Variants in INTU observed in about 807,000 individuals in gnomAD.
INTU encodes the protein protein inturned.
INTU carries 68 observed loss-of-function variants against 100.5 expected under a neutral mutation model. The ratio of observed to expected loss-of-function variants is 0.68; its 90% CI spans 0.56 to 0.83. The LOEUF (loss-of-function observed/expected upper bound fraction) is 0.83. INTU is among the 40% of genes least tolerant of loss of function. The pLI is 0.00. For synonymous variants in INTU, 357 were observed against 395.7 expected (o/e 0.90, Z 1.16); for missense variants, 1,071 against 1,114.7 (o/e 0.96, Z 0.56).
chr4:127,642,028 T>A (rs1052771816), intron 1 of INTU, among the ~76,000 whole-genome samples: 47 of 151,878 alleles, frequency 3.1e-4, no homozygotes, highest in Admixed American at 8.5e-4. Flanking sequence ...ATATATATAT[T>A]TTTTAAATTG....
chr4:127,661,267 A>G (rs952616851), intron 3 of INTU, among the ~76,000 whole-genome samples: 4 of 152,214 alleles, frequency 2.6e-5, no homozygotes, highest in Non-Finnish European at 5.9e-5. Context: ...TTCACCAAGC[A>G]TAGCAAACCA....
chr4:127,695,444 A>G (rs1730340925), intron 8 of INTU, among the ~76,000 whole-genome samples: 1 of 152,124 alleles, frequency 6.6e-6, no homozygotes, highest in African/African-American at 2.4e-5. Context: ...TACCTGTACC[A>G]AAAAATGCAA....
Position 127,706,437 on chromosome 4 carries a change from A to G in INTU, c.1789-50A>G, listed in dbSNP as rs749949724. On this transcript the variant is annotated intron_variant, in intron 11 of 15. Transcript: ENST00000335251. ...AAGTTTATACATGCACATTTTATGTAAATATTTTCATGGTAGCTAAACCTA... is the reference window on the plus strand; with the variant it reads ...AAGTTTATACATGCACATTTTATGTGAATATTTTCATGGTAGCTAAACCTA... The G allele has an allele frequency of 6.8e-6, 10 of 1,473,248 alleles. No homozygotes were observed. The South Asian group carries it at 1.3e-4, about 19-fold the overall frequency. The allele number at this position is 1,473,248 out of a possible 1,614,324, so 91.3% of individuals were successfully genotyped here.
Position 127,719,014 on chromosome 4 carries a change from A to G in INTU, c.*2578A>G, listed in dbSNP as rs1442917863. The G allele has an allele frequency of 1.3e-5, 2 of 152,154 alleles. No individual in the cohort carries two copies. Among genetic ancestry groups the G allele is most frequent in the Admixed American group, 1.3e-4 (2 of 15,270 alleles). 9.4% of individuals were successfully genotyped at this position (152,154 alleles called of 1,614,324 possible). On this transcript the variant is annotated 3_prime_UTR_variant, in exon 16 of 16. Transcript: ENST00000335251. ...CTGATTGCCCTGGCCAGGACTTCCA[A>G]TACTATGTTGAATAGTGGTGAGAGA...
chr4:127,684,786 ATTTCCTTTTTTT>A (rs1230777002), intron 7 of INTU, among the ~76,000 whole-genome samples: 1 of 143,648 alleles, frequency 7.0e-6, no homozygotes, highest in Admixed American at 6.9e-5. Context: ...CATTTGATTC[ATTTCCTTTTTTT>A]TTTCCTTTTT....
At position 127,721,791 on chromosome 4, in the gene INTU, T is replaced by C. The variant is rs1731349074; in HGVS notation, c.*5355T>C. 6.6e-6 allele frequency: 1 copy of C among 152,192 alleles called. No individual in the cohort carries two copies. 9.4% of individuals were successfully genotyped at this position (152,192 alleles called of 1,614,324 possible). On this transcript the variant is annotated 3_prime_UTR_variant, in exon 16 of 16. Transcript: ENST00000335251. ...GGATACTTGTGTTTCCATTATAAAGTTCTCATGTTTTTCAGCTCCATCAGA... is the reference window on the plus strand; with the variant it reads ...GGATACTTGTGTTTCCATTATAAAGCTCTCATGTTTTTCAGCTCCATCAGA...
intron 6 of INTU, among the ~76,000 whole-genome samples, chr4:127,683,612 C>T (rs1033102989): frequency 1.3e-5 from 2 of 152,094 alleles, no homozygotes; most frequent in African/African-American, 2.4e-5. Flanking sequence ...AAAGTGCTGT[C>T]CCACAGAATT....
At chr4:127,703,273 T>C (rs1019285368) in intron 9 of INTU, among the ~76,000 whole-genome samples, 1 of 152,164 alleles carries the variant, frequency 6.6e-6, no homozygotes, top group Non-Finnish European at 1.5e-5. Flanking sequence ...TTTTTAGTTT[T>C]CTTTAGGTTT....
In INTU at chr4:127,724,447, T is replaced by A. The variant is rs1206621851; in HGVS notation, c.*8011T>A. 1 of 152,142 alleles carries A rather than the reference T, an allele frequency of 6.6e-6. No individual in the cohort carries two copies. Among genetic ancestry groups the A allele is most frequent in the Non-Finnish European group, 1.5e-5 (1 of 68,034 alleles). The allele number at this position is 152,142 out of a possible 1,614,324, so 9.4% of individuals were successfully genotyped here. ...AAAAAAAAAAAAAAATACTAACTTT[T>A]ATCTTAGAAATATAGATCATTATGC... On this transcript the variant is annotated 3_prime_UTR_variant, in exon 16 of 16. Coordinates refer to ENST00000335251, the MANE Select transcript of INTU (RefSeq NM_015693.4).
At chr4:127,714,207 AT>A in intron 15 of INTU, 114 bp downstream of exon 15, 1 of 637,674 alleles carries the variant, frequency 1.6e-6, no homozygotes. Flanking sequence ...TAGCTATACT[AT>A]TTTAATATAT....
intron 5 of INTU, among the ~76,000 whole-genome samples, chr4:127,673,589 C>T (rs1336140680): frequency 6.7e-6 from 1 of 149,522 alleles, no homozygotes; most frequent in Non-Finnish European, 1.5e-5. Context: ...TTTTGTTTGG[C>T]CTAGAGTTTT....
intron 9 of INTU, among the ~76,000 whole-genome samples, chr4:127,701,667 C>G (rs755665970): frequency 4.6e-5 from 7 of 151,994 alleles, no homozygotes; most frequent in Non-Finnish European, 1.0e-4. Context: ...ACAGATGAAA[C>G]AAGATAAGCC....
At chr4:127,656,537 C>A in intron 2 of INTU, 99 bp from the exon 3 acceptor site, 3 of 800,588 alleles carry the variant, frequency 3.7e-6, no homozygotes, top group Non-Finnish European at 6.3e-6. Context: ...TCTCACTGTA[C>A]TTTGAGGATG....
intron 9 of INTU, among the ~76,000 whole-genome samples, chr4:127,701,417 C>T (rs1486590463): frequency 6.6e-6 from 1 of 152,090 alleles, no homozygotes; most frequent in Non-Finnish European, 1.5e-5. Flanking sequence ...CTCTATGAGA[C>T]AACGAATCTC....
intron 6 of INTU, among the ~76,000 whole-genome samples, chr4:127,683,187 T>C (rs1237390225): frequency 6.6e-6 from 1 of 152,190 alleles, no homozygotes; most frequent in African/African-American, 2.4e-5. Context: ...TCCCTAAATA[T>C]TTATGTCATT....
At chr4:127,655,558 C>T (rs1442167019) in intron 2 of INTU, among the ~76,000 whole-genome samples, 1 of 151,674 alleles carries the variant, frequency 6.6e-6, no homozygotes, top group Non-Finnish European at 1.5e-5. Context: ...CAGGGACCCA[C>T]TTGAGGAGGC....
At position 127,725,956 on chromosome 4, in the gene INTU, G is replaced by A. The variant is rs1731411167; in HGVS notation, c.*9520G>A. 1 of 152,152 alleles carries A rather than the reference G, an allele frequency of 6.6e-6. No individual in the cohort carries two copies. The highest frequency in any genetic ancestry group is 6.5e-5 in the Admixed American group (1 of 15,282). The allele number at this position is 152,152 out of a possible 1,614,324, so 9.4% of individuals were successfully genotyped here. On this transcript the variant is annotated 3_prime_UTR_variant, in exon 16 of 16. Coordinates refer to ENST00000335251, the MANE Select transcript of INTU (RefSeq NM_015693.4). Reference sequence around the variant, plus strand: ...TAAAGGGGGACAGGATGACAGTGCAGATATCCTAGAAATATGCTTTAGAAG... The same window carrying A: ...TAAAGGGGGACAGGATGACAGTGCAAATATCCTAGAAATATGCTTTAGAAG...
At position 127,710,954 on chromosome 4, in the gene INTU, C is replaced by T. The variant is rs146199622; in HGVS notation, c.2411C>T (p.Ala804Val). ...GPENTLFHYV[A>V]LETVQGIFIT... The stretch of plus-strand genomic sequence containing the variant: ...GAGAACACACTTTTCCACTACGTTG[C>T]CTTAGAAACAGTGCAAGGAATCTTT... The change falls in exon 14 of 16, where the codon GCC becomes GTC. Residue 804 changes from alanine to valine, a missense_variant. Coordinates refer to ENST00000335251, the MANE Select transcript of INTU (RefSeq NM_015693.4). 2.5e-5 allele frequency: 39 copies of T among 1,538,018 alleles called. No homozygotes were observed. In the Admixed American group the frequency reaches 2.9e-4, roughly 11 times the overall value.
chr4:127,690,962 A>G (rs886950053), intron 8 of INTU, among the ~76,000 whole-genome samples: 1 of 152,138 alleles, frequency 6.6e-6, no homozygotes, highest in Non-Finnish European at 1.5e-5. Context: ...CATACAGAGT[A>G]GTTTCACAGC....
Sources: allele counts gnomAD v4.1 joint callset (sites outside exome capture counted in the v4.1 genomes callset), GRCh38; gene constraint gnomAD v4.1.1; transcripts MANE v1.5; gene names NCBI Gene and HGNC (gene_info 2026-07-23, HGNC 2026-07-21).